The following JMJD1C variants were observed in gnomAD, a reference collection of about 807,000 sequenced individuals.
JMJD1C encodes the protein jumonji domain-containing protein 1C.
JMJD1C carries 31 observed loss-of-function variants against 245.3 expected under a neutral mutation model. The observed-to-expected ratio is 0.13, with a 90% CI of 0.09 to 0.17. JMJD1C has a LOEUF of 0.17. Among genes scored for constraint, JMJD1C ranks in the 10% least tolerant of loss-of-function variants. The probability of loss-of-function intolerance (pLI) is 1.00; values close to 1 mark genes in which losing one functional copy is unlikely to be tolerated. For synonymous variants in JMJD1C, 1,057 were observed against 1,017.4 expected, an observed-to-expected ratio of 1.04 and a Z score of -0.74; for missense variants, 2,691 against 3,000.2, an observed-to-expected ratio of 0.90 and a Z score of 2.41.
At chr10:63,295,955 GTA>G (rs1283070018) in intron 2 of JMJD1C, among the ~76,000 whole-genome samples, 379 of 30,630 alleles carry the variant, frequency 0.012, 13 homozygotes, top group African/African-American at 0.028. Context: ...ATATATACAC[GTA>G]TATGTGTGTG....
intron 2 of JMJD1C, among the ~76,000 whole-genome samples, chr10:63,278,345 G>GAATAAT (rs59676296): frequency 0.076 from 10,890 of 142,874 alleles, 489 homozygotes; most frequent in African/African-American, 0.12. Context: ...AATTAAAAGA[G>GAATAAT]AATAATAATA....
At chr10:63,457,822 A>G (rs1256584580) in intron 1 of JMJD1C, among the ~76,000 whole-genome samples, 2 of 152,206 alleles carry the variant, frequency 1.3e-5, no homozygotes, top group Non-Finnish European at 2.9e-5. Context: ...CTGCCCTGAC[A>G]CTTACTGATT....
rs145265323 is a variant in JMJD1C, at chr10:63,219,963, G to C, written c.468C>G (p.Asn156Lys). ...QPYQDDIDSLNPVLRDNPQLH... is the reference protein window; with the variant it reads ...QPYQDDIDSLKPVLRDNPQLH... ...GCTGCGGGTTGTCCCTGAGAACTGG[G>C]TTTAGGCTGTCTATGTCGTCCTAGA... Residue 156 changes from asparagine to lysine, a missense_variant, in exon 4 of 26, where the codon AAC becomes AAG. Physicochemically the swap from Asn to Lys is moderately conservative, Grantham distance 94. This residue lies in a region of JMJD1C where 172 missense variants were observed against 240.8 expected (regional missense o/e 0.71). Transcript: ENST00000399262. 176 of 1,613,096 alleles carry C rather than the reference G, an allele frequency of 1.1e-4. 1 individual carries two copies. The African/African-American group carries it at 2.0e-3, about 19-fold the overall frequency.
At chr10:63,361,435 A>G (rs1945317091) in intron 2 of JMJD1C, among the ~76,000 whole-genome samples, 1 of 152,190 alleles carries the variant, frequency 6.6e-6, no homozygotes, top group Non-Finnish European at 1.5e-5. Context: ...ATAAATAAGT[A>G]AGTACATAAA....
chr10:63,521,025 C>T (rs1431512265), intron 1 of JMJD1C, among the ~76,000 whole-genome samples: 3 of 152,192 alleles, frequency 2.0e-5, no homozygotes, highest in East Asian at 3.9e-4. Flanking sequence ...TATTGGACAC[C>T]GAGTTCCTGC....
At chr10:63,486,161 AAAAAAAAC>A (rs1254960421) in intron 1 of JMJD1C, among the ~76,000 whole-genome samples, 677 of 40,064 alleles carry the variant, frequency 0.017, 11 homozygotes, top group African/African-American at 0.037. Flanking sequence ...AAAAAAAAAA[AAAAAAAAC>A]AAAAAACAGA....
intron 1 of JMJD1C, among the ~76,000 whole-genome samples, chr10:63,407,456 T>A (rs1564887865): frequency 6.6e-6 from 1 of 152,090 alleles, no homozygotes; most frequent in African/African-American, 2.4e-5. Flanking sequence ...CTAACCACTT[T>A]AAAAAAATCT....
At chr10:63,261,777 A>T (rs1854792326) in intron 3 of JMJD1C, among the ~76,000 whole-genome samples, 1 of 152,200 alleles carries the variant, frequency 6.6e-6, no homozygotes, top group African/African-American at 2.4e-5. Context: ...AGGCTGTGCA[A>T]CTTGTAAAGG....
intron 1 of JMJD1C, among the ~76,000 whole-genome samples, chr10:63,392,368 G>A (rs1268579387): frequency 8.5e-5 from 13 of 152,096 alleles, no homozygotes; most frequent in Admixed American, 3.3e-4. Context: ...TGATAAATGC[G>A]ACTATATTAA....
At chr10:63,363,500 C>T (rs1192864318) in intron 2 of JMJD1C, among the ~76,000 whole-genome samples, 3 of 151,834 alleles carry the variant, frequency 2.0e-5, no homozygotes, top group Non-Finnish European at 4.4e-5. Context: ...TCAGGGAATC[C>T]GCCCACCTTG....
chr10:63,457,638 T>C (rs914834839), intron 1 of JMJD1C, among the ~76,000 whole-genome samples: 3 of 152,198 alleles, frequency 2.0e-5, no homozygotes, highest in East Asian at 1.9e-4. Context: ...ACTTAAACCA[T>C]AGGGCTATAG....
chr10:63,422,936 C>CTGTCGCCACTGTTACCAAAACT, intron 1 of JMJD1C, among the ~76,000 whole-genome samples: 1 of 151,518 alleles, frequency 6.6e-6, no homozygotes, highest in Non-Finnish European at 1.5e-5. Flanking sequence ...CCCTATGCAA[C>CTGTCGCCACTGTTACCAAAACT]TGTCGCCACT....
At chr10:63,362,477 AT>A (rs1474245784) in intron 2 of JMJD1C, among the ~76,000 whole-genome samples, 1 of 21,898 alleles carries the variant, frequency 4.6e-5, no homozygotes, top group African/African-American at 6.6e-5. Context: ...ATTTATTTAT[AT>A]ATATATTTAT....
intron 1 of JMJD1C, among the ~76,000 whole-genome samples, chr10:63,405,515 G>A (rs756151591): frequency 2.6e-5 from 4 of 151,718 alleles, no homozygotes; most frequent in Admixed American, 6.6e-5. Context: ...TACAGACGAC[G>A]TTTCACCACG....
intron 2 of JMJD1C, among the ~76,000 whole-genome samples, chr10:63,310,160 C>T (rs1403722417): frequency 6.6e-6 from 1 of 152,070 alleles, no homozygotes; most frequent in Non-Finnish European, 1.5e-5. Flanking sequence ...TACAAGACTC[C>T]AAACAAATGA....
intron 1 of JMJD1C, among the ~76,000 whole-genome samples, chr10:63,515,565 G>C (rs1954992114): frequency 6.6e-6 from 1 of 152,100 alleles, no homozygotes; most frequent in Non-Finnish European, 1.5e-5. Context: ...TTCCCTCAGG[G>C]GTTTCTGATC....
In JMJD1C at chr10:63,207,736, A is replaced by G. The variant is rs1486531413; in HGVS notation, c.3933T>C (p.Ser1311=). 1 of 1,614,210 alleles carries G rather than the reference A, an allele frequency of 6.2e-7. No homozygotes were observed. The highest frequency in any genetic ancestry group is 1.1e-5 in the South Asian group (1 of 91,080). The part of the protein sequence containing the change: ...AMASVIVRPS[S]STKTDSMPAM... ...CTGGCATACTATCAGTTTTTGTACT[A>G]GAAGATGGACGCACAATGACAGATG... The change falls in exon 10 of 26, where the codon TCT becomes TCC. Residue 1311 remains serine (S), a synonymous_variant. Transcript: ENST00000399262.
chr10:63,494,852 C>A (rs967686008), intron 1 of JMJD1C, among the ~76,000 whole-genome samples: 5 of 152,108 alleles, frequency 3.3e-5, no homozygotes, highest in African/African-American at 1.2e-4. Context: ...GAAAGGCATA[C>A]CACAATATGA....
Position 63,217,317 on chromosome 10 carries a change from T to C in JMJD1C, c.568A>G (p.Asn190Asp), listed in dbSNP as rs1848109867. ...CTATATACTCTCACTCTGTATCCAT[T>C]TAAGGAATAAGGACCTTAAAAAAAA... ...EIFMQGPYSLNGYRVRVYRQD... is the reference protein window; with the variant it reads ...EIFMQGPYSLDGYRVRVYRQD... The change falls in exon 5 of 26, where the codon AAT becomes GAT. Residue 190 changes from asparagine to aspartate, a missense_variant. This residue lies in a region of JMJD1C where 172 missense variants were observed against 240.8 expected (regional missense o/e 0.71). Coordinates refer to ENST00000399262, the MANE Select transcript of JMJD1C (RefSeq NM_032776.3). 3 of 1,592,326 alleles carry C rather than the reference T, an allele frequency of 1.9e-6. No individual in the cohort carries two copies. The highest frequency in any genetic ancestry group is 2.6e-6 in the Non-Finnish European group (3 of 1,171,502).
Sources: allele counts gnomAD v4.1 joint callset (sites outside exome capture counted in the v4.1 genomes callset), GRCh38; gene constraint gnomAD v4.1.1; regional missense constraint gnomAD v4.1.1; transcripts MANE v1.5; gene names NCBI Gene and HGNC (gene_info 2026-07-23, HGNC 2026-07-21).